The following ADGRL3 variants were observed in gnomAD, a reference collection of about 807,000 sequenced individuals.
The protein encoded by ADGRL3 is calcium-independent alpha-latrotoxin receptor 3.
ADGRL3 carries 62 observed loss-of-function variants against 153.5 expected under a neutral mutation model. That is an observed-to-expected ratio of 0.40 (90% CI 0.33 to 0.50). The LOEUF is 0.50. Ranked by LOEUF, ADGRL3 falls within the 20% of genes least tolerant of loss-of-function variation. The pLI is 0.47. For synonymous variants in ADGRL3, 710 were observed against 672.5 expected, an observed-to-expected ratio of 1.06 and a Z score of -0.86; for missense variants, 1,641 against 1,859.4, an observed-to-expected ratio of 0.88 and a Z score of 2.16.
chr4:61,506,820 T>G (rs2152849638), intron 3 of ADGRL3, among the ~76,000 whole-genome samples: 1 of 152,290 alleles, frequency 6.6e-6, no homozygotes, highest in African/African-American at 2.4e-5. Flanking sequence ...CAACATTTCA[T>G]TCTTTTTCTT....
rs1013000228 is a variant in ADGRL3, at chr4:62,074,327, T to C, written c.*3419T>C. The C allele has an allele frequency of 1.3e-5, 2 of 152,160 alleles. No homozygotes were observed. Among genetic ancestry groups the C allele is most frequent in the African/African-American group, 4.8e-5 (2 of 41,438 alleles). The allele number at this position is 152,160 out of a possible 1,614,324, so 9.4% of individuals were successfully genotyped here. ...CTTGTCAAATAATATTTTTGTCACA[T>C]TTTTAGACTTGGTTGTTTTTCCTCT... On this transcript the variant is annotated 3_prime_UTR_variant, in exon 27 of 27. Transcript: ENST00000683033.
At chr4:61,775,392 TTTTC>T (rs1170217936) in intron 8 of ADGRL3, 7 of 491,172 alleles carry the variant, frequency 1.4e-5, no homozygotes, top group East Asian at 3.9e-5. Flanking sequence ...ATTTTCTTTT[TTTTC>T]TTTCTTTGTG....
chr4:61,822,024 T>A (rs747135900), intron 9 of ADGRL3, among the ~76,000 whole-genome samples: 18 of 152,076 alleles, frequency 1.2e-4, no homozygotes, highest in Non-Finnish European at 2.1e-4. Flanking sequence ...CCTTGAAGAG[T>A]CTGCAGGCCA....
Position 61,908,374 on chromosome 4 carries a change from A to T in ADGRL3, c.1888-1186A>T, listed in dbSNP as rs1291804763. On this transcript the variant is annotated intron_variant, in intron 11 of 26. Transcript: ENST00000683033. Reference sequence around the variant, plus strand: ...CACTTTGGGAGGCCGAGACGGGTAGATTGCCTAAGGTCAGGAGTTCAAGAC... The same window carrying T: ...CACTTTGGGAGGCCGAGACGGGTAGTTTGCCTAAGGTCAGGAGTTCAAGAC... 3.3e-5 allele frequency among the ~76,000 whole-genome samples: 5 copies of T among 152,280 alleles called. No homozygotes were observed. The East Asian group carries it at 9.7e-4, about 29-fold the overall frequency.
chr4:61,492,856 C>T (rs1487114594), intron 2 of ADGRL3, among the ~76,000 whole-genome samples: 2 of 152,072 alleles, frequency 1.3e-5, no homozygotes, highest in Non-Finnish European at 2.9e-5. Flanking sequence ...TAGTGGAACT[C>T]ATGTCAAATA....
intron 1 of ADGRL3, among the ~76,000 whole-genome samples, chr4:61,286,379 T>C (rs1005099045): frequency 2.0e-5 from 3 of 151,316 alleles, no homozygotes; most frequent in Admixed American, 1.3e-4. Flanking sequence ...GATTTTCACC[T>C]CATCATGCTA....
chr4:61,897,059 A>T (rs1439940210), intron 11 of ADGRL3, among the ~76,000 whole-genome samples: 2 of 152,212 alleles, frequency 1.3e-5, no homozygotes, highest in East Asian at 1.9e-4. Context: ...ACTTTAACTG[A>T]TAATGATGCT....
chr4:61,517,370 G>A lies in ADGRL3; in HGVS notation c.111G>A (p.Glu37=). Residue 37 remains glutamate, a synonymous_variant, in exon 4 of 27, where the codon GAG becomes GAA. Transcript: ENST00000683033. ...PALAAPLRHA[E]RSPGGALPPR... ...TTGCTGCTCCATTGCGACACGCTGA[G>A]CGCAGCCCAGGAGGCGCTCTTCCAC... is the stretch of plus-strand genomic sequence containing the variant. 1 of 707,772 alleles carries A rather than the reference G, an allele frequency of 1.4e-6. No individual in the cohort carries two copies. Among genetic ancestry groups the A allele is most frequent in the South Asian group, 1.5e-5 (1 of 67,680 alleles). The allele number at this position is 707,772 out of a possible 1,614,324, so 43.8% of individuals were successfully genotyped here. A position where few individuals can be genotyped will look rare whatever the true frequency, so the allele number is the denominator to read the frequency against.
chr4:61,817,248 C>A (rs1287129607), intron 9 of ADGRL3, among the ~76,000 whole-genome samples: 4 of 151,210 alleles, frequency 2.6e-5, no homozygotes, highest in Admixed American at 2.6e-4. Flanking sequence ...GGCCGGGTGT[C>A]CGGTTTAAAC....
chr4:61,966,316 A>C (rs2150567812), intron 17 of ADGRL3, among the ~76,000 whole-genome samples: 1 of 152,274 alleles, frequency 6.6e-6, no homozygotes, highest in African/African-American at 2.4e-5. Flanking sequence ...TGGTTTTTAT[A>C]ATCTAGATAT....
chr4:62,014,249 C>A (rs139138891), intron 21 of ADGRL3, among the ~76,000 whole-genome samples: 1 of 152,192 alleles, frequency 6.6e-6, no homozygotes, highest in African/African-American at 2.4e-5. Flanking sequence ...AGAACCAATC[C>A]TTTGAGTTTG....
At chr4:61,795,215 A>T (rs543085888) in intron 8 of ADGRL3, among the ~76,000 whole-genome samples, 2 of 152,054 alleles carry the variant, frequency 1.3e-5, no homozygotes, top group Admixed American at 1.3e-4. Flanking sequence ...GCAACCTCGA[A>T]CTTCTAGGCT....
At chr4:61,836,121 T>A (rs2148930231) in intron 9 of ADGRL3, among the ~76,000 whole-genome samples, 1 of 152,320 alleles carries the variant, frequency 6.6e-6, no homozygotes, top group African/African-American at 2.4e-5. Context: ...CATTGAAGAA[T>A]ATCTCATCTA....
At chr4:61,920,310 C>G (rs910349732) in intron 13 of ADGRL3, among the ~76,000 whole-genome samples, 1 of 152,008 alleles carries the variant, frequency 6.6e-6, no homozygotes, top group African/African-American at 2.4e-5. Flanking sequence ...ATATTAAAAA[C>G]AGCATTACAG....
At chr4:61,394,329 A>C (rs1236793646) in intron 2 of ADGRL3, among the ~76,000 whole-genome samples, 3 of 152,006 alleles carry the variant, frequency 2.0e-5, no homozygotes, top group Non-Finnish European at 4.4e-5. Flanking sequence ...AGAGTGTAAG[A>C]CATACATTAA....
chr4:61,694,480 C>T lies in ADGRL3; in HGVS notation c.583+17545C>T, dbSNP rs574017482. Among the ~76,000 whole-genome samples the T allele has an allele frequency of 3.3e-5, 5 of 152,160 alleles. No homozygotes were observed. In the East Asian group the frequency reaches 9.7e-4, roughly 29 times the overall value. The stretch of plus-strand genomic sequence containing the variant: ...ATTATGCTATAGTCTATTAAGTGTG[C>T]AGTATGTCTATAAAAAGAATATGTA... On this transcript the variant is annotated intron_variant, in intron 6 of 26. Transcript: ENST00000683033.
chr4:61,871,114 T>TA (rs34249881), intron 9 of ADGRL3, among the ~76,000 whole-genome samples: 38,965 of 151,740 alleles, frequency 0.26, 5,888 homozygotes, highest in African/African-American at 0.42. Flanking sequence ...CCGTCTCTAC[T>TA]AAAAATACAA....
intron 8 of ADGRL3, among the ~76,000 whole-genome samples, chr4:61,770,359 A>T (rs1302010306): frequency 6.6e-6 from 1 of 152,136 alleles, no homozygotes; most frequent in African/African-American, 2.4e-5. Context: ...TAGAAGCAAG[A>T]GTTATCTCCC....
chr4:61,440,632 T>C (rs2097518202), intron 2 of ADGRL3, among the ~76,000 whole-genome samples: 2 of 152,160 alleles, frequency 1.3e-5, no homozygotes, highest in South Asian at 4.1e-4. Flanking sequence ...CTACAGATGG[T>C]AGGAGCTGAG....
Sources: allele counts gnomAD v4.1 joint callset (sites outside exome capture counted in the v4.1 genomes callset), GRCh38; gene constraint gnomAD v4.1.1; transcripts MANE v1.5; gene names NCBI Gene and HGNC (gene_info 2026-07-23, HGNC 2026-07-21).